TBXAS1: variants seen among roughly 807,000 people sequenced by gnomAD.
TBXAS1 encodes thromboxane A synthase 1.
TBXAS1 carries 48 observed loss-of-function variants against 60.7 expected under a neutral mutation model. The observed-to-expected ratio is 0.79, with a 90% CI of 0.63 to 1.01. The LOEUF (loss-of-function observed/expected upper bound fraction) is 1.01. Ranked by LOEUF, TBXAS1 falls within the 50% of genes least tolerant of loss-of-function variation. TBXAS1 has a pLI of 0.00. For synonymous variants in TBXAS1, 287 were observed against 269.7 expected, an observed-to-expected ratio of 1.06 and a Z score of -0.63; for missense variants, 685 against 686.3, an observed-to-expected ratio of 1.00 and a Z score of 0.02.
chr7:139,929,674 C>G (rs1807160572), intron 4 of TBXAS1, among the ~76,000 whole-genome samples: 1 of 152,174 alleles, frequency 6.6e-6, no homozygotes, highest in Admixed American at 6.5e-5. Flanking sequence ...CAGTCCAAAA[C>G]CCTTGGAGTC....
intron 12 of TBXAS1, among the ~76,000 whole-genome samples, chr7:140,018,190 G>A (rs774709644): frequency 2.0e-5 from 3 of 152,174 alleles, no homozygotes; most frequent in Non-Finnish European, 2.9e-5. Context: ...AGGGCACACA[G>A]ACAATGGCAT....
chr7:139,839,415 G>A (rs534906542), intron 1 of TBXAS1, among the ~76,000 whole-genome samples: 55 of 152,284 alleles, frequency 3.6e-4, no homozygotes, highest in African/African-American at 1.3e-3. Flanking sequence ...CAGGGCTGAT[G>A]AAGCGGCAAG....
chr7:139,785,954 GC>G (rs560185100), intron 3 of TBXAS1, among the ~76,000 whole-genome samples: 1 of 150,080 alleles, frequency 6.7e-6, no homozygotes, highest in Non-Finnish European at 1.5e-5. Flanking sequence ...CTATTCCCCA[GC>G]CCACATCCCC....
At chr7:139,985,663 C>T (rs1812399057) in intron 9 of TBXAS1, among the ~76,000 whole-genome samples, 1 of 152,252 alleles carries the variant, frequency 6.6e-6, no homozygotes, top group Admixed American at 6.5e-5. Context: ...CTCCTCACAT[C>T]TTCAAAACTC....
intron 4 of TBXAS1, among the ~76,000 whole-genome samples, chr7:139,818,924 C>T (rs1585551361): frequency 6.6e-6 from 1 of 152,176 alleles, no homozygotes; most frequent in East Asian, 1.9e-4. Flanking sequence ...TGCCATCATA[C>T]CAGCATCTCA....
chr7:139,821,641 C>G (rs1432697002), intron 4 of TBXAS1, among the ~76,000 whole-genome samples: 1 of 152,244 alleles, frequency 6.6e-6, no homozygotes, highest in Non-Finnish European at 1.5e-5. Flanking sequence ...AAGTCTCCCA[C>G]TGCAGGAGAT....
At chr7:139,960,378 A>G (rs2117368669) in intron 8 of TBXAS1, among the ~76,000 whole-genome samples, 1 of 152,324 alleles carries the variant, frequency 6.6e-6, no homozygotes, top group East Asian at 1.9e-4. Flanking sequence ...ACATGTGCTC[A>G]GCATAAAACT....
At chr7:139,996,286 T>C (rs544432905) in intron 9 of TBXAS1, among the ~76,000 whole-genome samples, 1 of 152,248 alleles carries the variant, frequency 6.6e-6, no homozygotes, top group East Asian at 1.9e-4. Context: ...TCTCTTAGTC[T>C]TGAATCTCCC....
intron 4 of TBXAS1, among the ~76,000 whole-genome samples, chr7:139,805,714 C>CTTTA (rs201919641): frequency 1.0e-5 from 1 of 96,420 alleles, no homozygotes; most frequent in African/African-American, 4.8e-5. Flanking sequence ...TTCTTTCTTT[C>CTTTA]TCTCTCTCTC....
At chr7:139,937,880 G>T (rs547033773) in intron 5 of TBXAS1, among the ~76,000 whole-genome samples, 1 of 149,760 alleles carries the variant, frequency 6.7e-6, no homozygotes, top group East Asian at 2.0e-4. Flanking sequence ...CTGTCTGGAG[G>T]ATGCAGGAAG....
intron 10 of TBXAS1, 85 bp downstream of exon 10, chr7:140,007,267 A>C: frequency 1.6e-6 from 2 of 1,216,634 alleles, no homozygotes; most frequent in Non-Finnish European, 2.4e-6. Context: ...GCCCTCCTCC[A>C]TCAGTTACCA....
At chr7:139,984,778 AAGAAAAG>A (rs1351286977) in intron 9 of TBXAS1, among the ~76,000 whole-genome samples, 8 of 146,532 alleles carry the variant, frequency 5.5e-5, no homozygotes, top group Admixed American at 6.7e-5. Context: ...GAAAGAAAGA[AAGAAAAG>A]AAAGAAAGAA....
intron 1 of TBXAS1, among the ~76,000 whole-genome samples, chr7:139,871,795 C>G (rs1801842527): frequency 6.6e-6 from 1 of 152,166 alleles, no homozygotes; most frequent in Non-Finnish European, 1.5e-5. Context: ...AGGGGTTAGT[C>G]TTGACCATGA....
chr7:139,963,524 C>T (rs1406810794), intron 9 of TBXAS1, among the ~76,000 whole-genome samples: 2 of 152,142 alleles, frequency 1.3e-5, no homozygotes, highest in Admixed American at 6.5e-5. Flanking sequence ...CTCAACAAGC[C>T]ATGAATCCAA....
chr7:139,881,739 A>G (rs1407770664), intron 3 of TBXAS1, among the ~76,000 whole-genome samples: 1 of 152,200 alleles, frequency 6.6e-6, no homozygotes, highest in Non-Finnish European at 1.5e-5. Context: ...TACTGAAAAA[A>G]AAAATCAATT....
At chr7:139,855,993 A>G (rs897398388) in intron 1 of TBXAS1, among the ~76,000 whole-genome samples, 2 of 152,226 alleles carry the variant, frequency 1.3e-5, no homozygotes, top group Admixed American at 1.3e-4. Flanking sequence ...ATCTGGGATT[A>G]TTAGCAAAGC....
At chr7:139,986,744 C>CATATAT (rs1214895372) in intron 9 of TBXAS1, among the ~76,000 whole-genome samples, 1 of 89,778 alleles carries the variant, frequency 1.1e-5, no homozygotes, top group Non-Finnish European at 2.1e-5. Flanking sequence ...TATATACATA[C>CATATAT]ATATATATAT....
chr7:139,871,688 G>C (rs1048587605), intron 1 of TBXAS1, among the ~76,000 whole-genome samples: 4 of 152,130 alleles, frequency 2.6e-5, no homozygotes, highest in African/African-American at 9.7e-5. Flanking sequence ...TTTGGTGATA[G>C]GTCTTCTCCT....
intron 4 of TBXAS1, among the ~76,000 whole-genome samples, chr7:139,934,730 G>A (rs1807607979): frequency 6.6e-6 from 1 of 152,094 alleles, no homozygotes; most frequent in Admixed American, 6.6e-5. Context: ...TTCCCTTTGT[G>A]TGTGTCTGTG....
Sources: allele counts gnomAD v4.1 joint callset (sites outside exome capture counted in the v4.1 genomes callset), GRCh38; gene constraint gnomAD v4.1.1; transcripts MANE v1.5; gene names NCBI Gene and HGNC (gene_info 2026-07-23, HGNC 2026-07-21).